TGFBR3: variants seen among roughly 807,000 people sequenced by gnomAD.
TGFBR3 encodes the protein transforming growth factor beta receptor type 3.
Under a neutral mutation model 87.9 loss-of-function variants are expected in TGFBR3, and 46 were observed. The observed-to-expected ratio is 0.52, with a 90% confidence interval of 0.41 to 0.67. The LOEUF (loss-of-function observed/expected upper bound fraction) is 0.67, where lower values mean the gene tolerates loss of function less well. Ranked by LOEUF, TGFBR3 falls within the 30% of genes least tolerant of loss-of-function variation. The probability of loss-of-function intolerance (pLI) is 0.00; values close to 1 mark genes in which losing one functional copy is unlikely to be tolerated. For synonymous variants in TGFBR3, 381 were observed against 391.6 expected (o/e 0.97, Z 0.32); for missense variants, 866 against 1,041.9 (o/e 0.83, Z 2.32).
chr1:91,892,099 C>T (rs1009491842), intron 2 of TGFBR3, among the ~76,000 whole-genome samples: 86 of 152,346 alleles, frequency 5.6e-4, no homozygotes, highest in Middle Eastern at 3.4e-3. Context: ...TTCCTGCAAA[C>T]TCACCATTTC....
chr1:91,797,430 C>T lies in TGFBR3; in HGVS notation c.103G>A (p.Ala35Thr), dbSNP rs1675434276. 6.2e-7 allele frequency: 1 copy of T among 1,614,112 alleles called. No individual in the cohort carries two copies. Among genetic ancestry groups the T allele is most frequent in the Non-Finnish European group, 8.5e-7 (1 of 1,180,040 alleles). ...ATCAAGGCCTGGACAGGATGGGAGG[C>T]ACTGACAGGTGACAGTTCACACAGT... ...GALCELSPVS[A>T]SHPVQALMES... Residue 35 changes from alanine to threonine, a missense_variant, in exon 3 of 17, where the codon GCC (alanine) becomes ACC (threonine). Physicochemically the swap from Ala to Thr is moderately conservative, Grantham distance 58. Transcript: ENST00000212355.
intron 2 of TGFBR3, among the ~76,000 whole-genome samples, chr1:91,838,957 T>G (rs1479094370): frequency 1.3e-5 from 2 of 152,256 alleles, no homozygotes; most frequent in East Asian, 1.9e-4. Context: ...GTTGGAAGTT[T>G]CAAATCTTAA....
At chr1:91,737,368 G>C (rs1673001892) in intron 4 of TGFBR3, among the ~76,000 whole-genome samples, 1 of 152,180 alleles carries the variant, frequency 6.6e-6, no homozygotes, top group Non-Finnish European at 1.5e-5. Context: ...TTGTTCAGAT[G>C]TTATTTCCAT....
At chr1:91,861,292 T>C (rs1678177474) in intron 2 of TGFBR3, among the ~76,000 whole-genome samples, 179 bp downstream of exon 2, 1 of 151,964 alleles carries the variant, frequency 6.6e-6, no homozygotes. Context: ...CCCAACTAGT[T>C]AGGAGGCTGA....
At position 91,758,725 on chromosome 1, in the gene TGFBR3, G is replaced by T. The variant is rs769484825; in HGVS notation, c.272C>A (p.Ser91Tyr). The change falls in exon 4 of 17, where the codon TCC becomes TAC. Residue 91 changes from serine (S) to tyrosine (Y), a missense_variant. Transcript: ENST00000212355. ...AGACTTGTGGTGGATGTGGACTGAGGAGATGGGATTCAGGTGAAGTGTGAC... is the reference window on the plus strand; with the variant it reads ...AGACTTGTGGTGGATGTGGACTGAGTAGATGGGATTCAGGTGAAGTGTGAC... ...REVTLHLNPI[S>Y]SVHIHHKSVV... 1.2e-5 allele frequency: 20 copies of T among 1,613,992 alleles called. No individual in the cohort carries two copies. In the South Asian group the frequency reaches 2.1e-4, roughly 17 times the overall value.
intron 2 of TGFBR3, among the ~76,000 whole-genome samples, chr1:91,841,052 C>T (rs764300875): frequency 2.2e-4 from 33 of 152,176 alleles, no homozygotes; most frequent in Admixed American, 1.3e-3. Flanking sequence ...CTCAGGTGAT[C>T]GGCCCACCTT....
intron 1 of TGFBR3, among the ~76,000 whole-genome samples, chr1:91,904,519 C>G (rs564526432): frequency 2.6e-5 from 4 of 151,524 alleles, no homozygotes; most frequent in Non-Finnish European, 4.4e-5. Flanking sequence ...GCCTCAGCCT[C>G]CCAGGTAGCT....
chr1:91,716,418 G>A (rs1672174215), intron 11 of TGFBR3, 24 bp from the exon 12 acceptor site: 3 of 1,614,142 alleles, frequency 1.9e-6, no homozygotes, highest in Non-Finnish European at 2.5e-6. Flanking sequence ...CCCACAGGAA[G>A]ATTAATGACA....
intron 4 of TGFBR3, among the ~76,000 whole-genome samples, chr1:91,736,129 A>G (rs995848412): frequency 4.6e-5 from 7 of 152,070 alleles, no homozygotes; most frequent in Admixed American, 1.3e-4. Context: ...CGCTGGCAAA[A>G]AAAAGTACTT....
chr1:91,802,581 G>A (rs1353771968), intron 2 of TGFBR3, among the ~76,000 whole-genome samples: 1 of 151,918 alleles, frequency 6.6e-6, no homozygotes, highest in Non-Finnish European at 1.5e-5. Context: ...GGCTGGTCTC[G>A]AACTCCTGGC....
chr1:91,730,277 C>A (rs370207814), intron 5 of TGFBR3, among the ~76,000 whole-genome samples: 1 of 152,176 alleles, frequency 6.6e-6, no homozygotes, highest in African/African-American at 2.4e-5. Flanking sequence ...CACATCTCTT[C>A]CACTGGTTCC....
intron 3 of TGFBR3, among the ~76,000 whole-genome samples, chr1:91,760,454 C>T (rs923345608): frequency 9.2e-5 from 14 of 151,940 alleles, no homozygotes; most frequent in African/African-American, 1.5e-4. Flanking sequence ...AACATAGACA[C>T]GATAATACAC....
At chr1:91,693,447 A>G (rs1464150038) in intron 16 of TGFBR3, among the ~76,000 whole-genome samples, 1 of 152,188 alleles carries the variant, frequency 6.6e-6, no homozygotes, top group East Asian at 1.9e-4. Flanking sequence ...GCTTGGGGGA[A>G]AAAGGATCAG....
chr1:91,880,126 T>A (rs1480608653), intron 1 of TGFBR3, among the ~76,000 whole-genome samples: 1 of 152,208 alleles, frequency 6.6e-6, no homozygotes, highest in East Asian at 1.9e-4. Context: ...CTCACTATTA[T>A]GTGTTTAAGG....
At chr1:91,885,132 G>A (rs991426139) in intron 1 of TGFBR3, among the ~76,000 whole-genome samples, 1 of 152,198 alleles carries the variant, frequency 6.6e-6, no homozygotes, top group South Asian at 2.1e-4. Context: ...GAAATGGAAC[G>A]GTTTTCTTCT....
chr1:91,875,866 G>T (rs1384748061), intron 1 of TGFBR3, among the ~76,000 whole-genome samples: 1 of 129,540 alleles, frequency 7.7e-6, no homozygotes, highest in African/African-American at 3.0e-5. Flanking sequence ...AGCCAACGTC[G>T]TGCCAATGCA....
At chr1:91,732,674 C>T (rs1053334997) in intron 5 of TGFBR3, among the ~76,000 whole-genome samples, 8 of 152,314 alleles carry the variant, frequency 5.3e-5, no homozygotes, top group East Asian at 3.9e-4. Flanking sequence ...CCTCTCTCCA[C>T]GGCATGGCCC....
intron 14 of TGFBR3, among the ~76,000 whole-genome samples, chr1:91,701,639 A>T (rs984380789): frequency 1.3e-5 from 2 of 152,196 alleles, no homozygotes; most frequent in African/African-American, 4.8e-5. Context: ...TGGTTTTCAT[A>T]AACGGGATAT....
chr1:91,903,812 C>A (rs1371030473), intron 1 of TGFBR3, among the ~76,000 whole-genome samples: 1 of 152,114 alleles, frequency 6.6e-6, no homozygotes, highest in Admixed American at 6.6e-5. Flanking sequence ...TGAATGAATT[C>A]TTATGAACTG....
Sources: allele counts gnomAD v4.1 joint callset (sites outside exome capture counted in the v4.1 genomes callset), GRCh38; gene constraint gnomAD v4.1.1; transcripts MANE v1.5; gene names NCBI Gene and HGNC (gene_info 2026-07-23, HGNC 2026-07-21).